The following MGRN1 variants were observed in gnomAD, a reference collection of about 807,000 sequenced individuals.
MGRN1 encodes mahogunin ring finger 1, also known as E3 ubiquitin-protein ligase MGRN1.
A neutral mutation model predicts 69.2 loss-of-function variants in MGRN1; 29 were observed. That is an observed-to-expected ratio of 0.42 (90% CI 0.31 to 0.57). The LOEUF is 0.57. MGRN1 is among the 20% of genes least tolerant of loss of function. The pLI is 0.15. For missense variants in MGRN1, 998 were observed against 796.2 expected (o/e 1.25, Z -3.05); for synonymous variants, 470 against 344.2 (o/e 1.37, Z -4.04).
intron 1 of MGRN1, among the ~76,000 whole-genome samples, chr16:4,629,155 TG>T (rs1555445278): frequency 2.6e-3 from 380 of 146,770 alleles, no homozygotes; most frequent in African/African-American, 8.8e-3. Context: ...TTCGTATGTG[TG>T]TGTGTGTGTG....
intron 13 of MGRN1, among the ~76,000 whole-genome samples, chr16:4,682,223 C>T (rs144141891): frequency 0.016 from 2,423 of 152,312 alleles, 31 homozygotes; most frequent in Non-Finnish European, 0.025. Flanking sequence ...TCTTGCCGTT[C>T]GCCCGTGACG....
At chr16:4,685,477 A>G (rs1458885945) in intron 16 of MGRN1, among the ~76,000 whole-genome samples, 1 of 152,188 alleles carries the variant, frequency 6.6e-6, no homozygotes, top group Admixed American at 6.5e-5. Flanking sequence ...TGGAGGCGGT[A>G]GAGGAGAGGC....
chr16:4,639,154 C>A (rs375009054), intron 1 of MGRN1, among the ~76,000 whole-genome samples: 2 of 152,240 alleles, frequency 1.3e-5, no homozygotes, highest in South Asian at 2.1e-4. Context: ...AGGCATGGAG[C>A]GGGGAGGTCA....
rs527550054 is a variant in MGRN1 at position 4,686,171 on chromosome 16, C to T, written c.1618+2239C>T. 4.1e-6 allele frequency: 6 copies of T among 1,474,156 alleles called. No homozygotes were observed. In the African/African-American group the frequency reaches 5.6e-5, roughly 14 times the overall value. 91.3% of individuals were successfully genotyped at this position (1,474,156 alleles called of 1,614,324 possible). On this transcript the variant is annotated intron_variant, in intron 16 of 16. Transcript: ENST00000262370. ...TGTTTCTAGACGGCCTCGACCGTGT[C>T]CCCAAGCTGGTGCCCTTGCTGTGGC...
chr16:4,663,763 C>G (rs1169147966), intron 5 of MGRN1, among the ~76,000 whole-genome samples: 1 of 152,140 alleles, frequency 6.6e-6, no homozygotes, highest in Non-Finnish European at 1.5e-5. Flanking sequence ...AGGGCGAGAC[C>G]CACAGAGCAG....
At position 4,644,613 on chromosome 16, in the gene MGRN1, G is replaced by GT. The variant is rs200905948; in HGVS notation, c.89-5746dup. Among the ~76,000 whole-genome samples, 690 of 152,248 alleles carry GT rather than the reference G, an allele frequency of 4.5e-3. 4 individuals carry two copies. Among genetic ancestry groups the GT allele is most frequent in the African/African-American group, 0.016 (652 of 41,546 alleles). Reference sequence around the variant, plus strand: ...GTGTGAGCCACTGCACCTGGGTTCTGTTTTTTAAGTTGAGAAACCTTGATA... The same window carrying GT: ...GTGTGAGCCACTGCACCTGGGTTCTGTTTTTTTAAGTTGAGAAACCTTGATA... On this transcript the variant is annotated intron_variant, in intron 1 of 16. Transcript: ENST00000262370.
At chr16:4,673,216 C>A (rs2078980106) in intron 9 of MGRN1, among the ~76,000 whole-genome samples, 1 of 152,118 alleles carries the variant, frequency 6.6e-6, no homozygotes, top group Admixed American at 6.5e-5. Flanking sequence ...TGCATCTGTT[C>A]CTCATTTTTT....
rs1425693517 is a variant in MGRN1, at chr16:4,682,784, T to C, written c.1359-39T>C. On this transcript the variant is annotated intron_variant, in intron 13 of 16. Transcript: ENST00000262370. The stretch of plus-strand genomic sequence containing the variant: ...TGGCAGGGTTAGCCTTCCTTGTCGT[T>C]ATCCTCTCACCCCTGCCCACCCTCT... The C allele has an allele frequency of 6.7e-6, 10 of 1,485,756 alleles. No homozygotes were observed. The Admixed American group carries it at 1.8e-4, about 27-fold the overall frequency. The allele number at this position is 1,485,756 out of a possible 1,614,324, so 92.0% of individuals were successfully genotyped here. A position where few individuals can be genotyped will look rare whatever the true frequency, so the allele number is the denominator to read the frequency against.
At chr16:4,630,515 A>G (rs1212925097) in intron 1 of MGRN1, among the ~76,000 whole-genome samples, 1 of 151,356 alleles carries the variant, frequency 6.6e-6, no homozygotes, top group Non-Finnish European at 1.5e-5. Flanking sequence ...TAGTGGCATG[A>G]TCTTAGCTCA....
At chr16:4,662,198 C>T (rs1567207606) in intron 5 of MGRN1, among the ~76,000 whole-genome samples, 1 of 152,126 alleles carries the variant, frequency 6.6e-6, no homozygotes, top group Non-Finnish European at 1.5e-5. Flanking sequence ...TAGGAAGAAA[C>T]ATTTCCCTCG....
intron 4 of MGRN1, among the ~76,000 whole-genome samples, chr16:4,653,267 C>G (rs2078448795): frequency 6.6e-6 from 1 of 152,160 alleles, no homozygotes; most frequent in South Asian, 2.1e-4. Context: ...GTAAAGGATT[C>G]AGATGAAGAG....
In MGRN1 at chr16:4,683,827, C is replaced by T; in HGVS notation, c.1529-16C>T. The T allele has an allele frequency of 6.2e-7, 1 of 1,611,072 alleles. No homozygotes were observed. The highest frequency in any genetic ancestry group is 1.3e-5 in the African/African-American group (1 of 74,990). ...GCCCCTGCCTGTAGGTCCCTAACCT[C>T]ACCCTCTGCCTGCAGGGACCCGAGC... On this transcript the variant is annotated splice_polypyrimidine_tract_variant and intron_variant, in intron 15 of 16. Coordinates refer to ENST00000262370, the MANE Select transcript of MGRN1 (RefSeq NM_015246.4).
chr16:4,676,023 C>T (rs1043948553), intron 10 of MGRN1, among the ~76,000 whole-genome samples: 9 of 152,236 alleles, frequency 5.9e-5, no homozygotes, highest in African/African-American at 2.2e-4. Flanking sequence ...GGGGATTTGC[C>T]TGCGCAGCTG....
intron 16 of MGRN1, 191 bp from the exon 17 acceptor site, chr16:4,688,605 G>A (rs535782997): frequency 1.9e-4 from 252 of 1,360,650 alleles, no homozygotes; most frequent in Admixed American, 2.2e-4. Context: ...GGGACACAGC[G>A]TATTTGGCAC....
chr16:4,646,638 T>C (rs975973427), intron 1 of MGRN1, among the ~76,000 whole-genome samples: 1 of 152,166 alleles, frequency 6.6e-6, no homozygotes, highest in African/African-American at 2.4e-5. Context: ...CACCATCATT[T>C]TCATGCAGTC....
At chr16:4,654,526 C>T (rs1197248612) in intron 4 of MGRN1, among the ~76,000 whole-genome samples, 1 of 152,242 alleles carries the variant, frequency 6.6e-6, no homozygotes, top group African/African-American at 2.4e-5. Context: ...CAAGAGCGTG[C>T]CCCCTGCCTT....
At chr16:4,628,901 A>G (rs948879077) in intron 1 of MGRN1, among the ~76,000 whole-genome samples, 7 of 151,758 alleles carry the variant, frequency 4.6e-5, no homozygotes, top group South Asian at 2.1e-4. Flanking sequence ...CAGTGGTGCA[A>G]TCTTGGCTTA....
intron 4 of MGRN1, 60 bp from the exon 5 acceptor site, chr16:4,657,186 A>G (rs61573996): frequency 6.0e-6 from 9 of 1,495,780 alleles, no homozygotes; most frequent in Middle Eastern, 3.6e-4. Flanking sequence ...AGTGGGAGGG[A>G]CGGGCACGGA....
rs756494425 is a variant in MGRN1, at chr16:4,683,255, C to T, written c.1514C>T (p.Ser505Leu). The stretch of plus-strand genomic sequence containing the variant: ...ATAACAGAAGAGGTTGATGAGTCGT[C>T]GTCACCACAGCAAGGTGAGCGCCTC... ...SFITEEVDES[S>L]SPQQGTRAAS... Residue 505 changes from serine (S) to leucine (L), a missense_variant, in exon 15 of 17, where the codon TCG becomes TTG. By Grantham distance (145) the Ser-to-Leu change is moderately radical. Coordinates refer to ENST00000262370, the MANE Select transcript of MGRN1 (RefSeq NM_015246.4). The T allele has an allele frequency of 1.8e-5, 29 of 1,613,714 alleles. No individual in the cohort carries two copies. Among genetic ancestry groups the T allele is most frequent in the Middle Eastern group, 1.6e-4 (1 of 6,084 alleles).
Sources: gnomAD v4.1 joint callset for allele counts (sites outside exome capture counted in the v4.1 genomes callset) on GRCh38, gnomAD v4.1.1 for gene constraint, MANE v1.5 for transcripts, NCBI Gene and HGNC (gene_info 2026-07-23, HGNC 2026-07-21) for gene names.